Variants in AQP9 observed in about 807,000 individuals in gnomAD.
AQP9 encodes the protein aquaporin 9, also known as aquaporin-9.
A neutral mutation model predicts 23.8 loss-of-function variants in AQP9; 19 were observed. The ratio of observed to expected loss-of-function variants is 0.80; its 90% confidence interval spans 0.56 to 1.17. The LOEUF is 1.17. Ranked by LOEUF, AQP9 falls within the 50% of genes most tolerant of loss-of-function variation. The pLI is 0.00. For synonymous variants in AQP9, 153 were observed against 131.5 expected (o/e 1.16, Z -1.12); for missense variants, 413 against 362.0 (o/e 1.14, Z -1.14).
chr15:58,146,579 C>T (rs910254063), intron 1 of AQP9: 1 of 152,082 alleles, frequency 6.6e-6, no homozygotes, highest in Non-Finnish European at 1.5e-5. Context: ...GTGAATCATT[C>T]TGCCTATTTT....
intron 2 of AQP9, among the ~76,000 whole-genome samples, chr15:58,170,513 T>C (rs1187217604): frequency 6.6e-6 from 1 of 151,934 alleles, no homozygotes; most frequent in Non-Finnish European, 1.5e-5. Context: ...CAAGCGATTC[T>C]CCTGCCTCAG....
intron 1 of AQP9, chr15:58,152,984 T>C (rs572357474): frequency 6.6e-6 from 1 of 152,186 alleles, no homozygotes; most frequent in Non-Finnish European, 1.5e-5. Flanking sequence ...CACGATAATA[T>C]TAATTCTAGT....
At chr15:58,153,200 T>C (rs1461375951) in intron 1 of AQP9, 1 of 152,152 alleles carries the variant, frequency 6.6e-6, no homozygotes, top group Non-Finnish European at 1.5e-5. Flanking sequence ...CGTCAACAAA[T>C]ATTTATTCTA....
chr15:58,178,988 G>C lies in AQP9; in HGVS notation c.496-140G>C, dbSNP rs978437846. 5 of 617,264 alleles carry C rather than the reference G, an allele frequency of 8.1e-6. No individual in the cohort carries two copies. In the African/African-American group the frequency reaches 9.2e-5, roughly 11 times the overall value. 38.2% of individuals were successfully genotyped at this position (617,264 alleles called of 1,614,324 possible). ...TGGCACAATTATTCACCCAGTACAT[G>C]CCAGTTATTACTAGGCATATTGTAA... On this transcript the variant is annotated intron_variant, in intron 4 of 5. Coordinates refer to ENST00000219919, the MANE Select transcript of AQP9 (RefSeq NM_020980.5).
chr15:58,147,739 G>C (rs1325674905), intron 1 of AQP9, among the ~76,000 whole-genome samples: 1 of 151,984 alleles, frequency 6.6e-6, no homozygotes, highest in African/African-American at 2.4e-5. Flanking sequence ...CAGGTGATTG[G>C]TTAAAAAAAT....
intron 2 of AQP9, among the ~76,000 whole-genome samples, chr15:58,167,319 C>T (rs1898531176): frequency 6.6e-6 from 1 of 152,152 alleles, no homozygotes; most frequent in South Asian, 2.1e-4. Flanking sequence ...ACATGGTTCT[C>T]AAAAGCAAAA....
chr15:58,163,388 G>A (rs1265551369), intron 1 of AQP9, among the ~76,000 whole-genome samples: 1 of 152,066 alleles, frequency 6.6e-6, no homozygotes, highest in Non-Finnish European at 1.5e-5. Context: ...AACACCCAAG[G>A]GGACAGAATA....
intron 2 of AQP9, 113 bp downstream of exon 2, chr15:58,166,912 A>T: frequency 1.5e-6 from 2 of 1,367,246 alleles, no homozygotes; most frequent in Non-Finnish European, 1.9e-6. Flanking sequence ...ATCCTGCAAG[A>T]GTGTGTATTG....
intron 1 of AQP9, chr15:58,153,459 C>T (rs1898188974): frequency 6.6e-6 from 1 of 152,066 alleles, no homozygotes. Context: ...TTATTAACAG[C>T]AATTTGTGCT....
rs1370990406 is a variant in AQP9, at chr15:58,184,728, T to C, written c.*593T>C. ...AGCTGGAAGGCACAAGGGGAGGACA[T>C]TGTGGCATTCAGAAACTGCAGGAGA... On this transcript the variant is annotated 3_prime_UTR_variant, in exon 6 of 6. Transcript: ENST00000219919. 2 of 152,024 alleles carry C rather than the reference T, an allele frequency of 1.3e-5. No individual in the cohort carries two copies. The highest frequency in any genetic ancestry group is 2.1e-4 in the South Asian group (1 of 4,802). The allele number at this position is 152,024 out of a possible 1,614,324, so 9.4% of individuals were successfully genotyped here.
chr15:58,166,738 T>C lies in AQP9; in HGVS notation c.177T>C (p.Thr59=), dbSNP rs745679353. The C allele has an allele frequency of 1.2e-6, 2 of 1,614,060 alleles. No homozygotes were observed. Among genetic ancestry groups the C allele is most frequent in the South Asian group, 1.1e-5 (1 of 91,064 alleles). The change falls in exon 2 of 6, where the codon ACT becomes ACC. Residue 59 remains threonine, a synonymous_variant. Coordinates refer to ENST00000219919, the MANE Select transcript of AQP9 (RefSeq NM_020980.5). The part of the protein sequence containing the change: ...LSRGRFGGVI[T]INVGFSMAVA... ...GAGGACGTTTTGGAGGGGTCATCACTATCAATGTTGGATTTTCAATGGCAG... is the reference window on the plus strand; with the variant it reads ...GAGGACGTTTTGGAGGGGTCATCACCATCAATGTTGGATTTTCAATGGCAG...
At position 58,179,342 on chromosome 15, in the gene AQP9, T is replaced by G. The variant is rs1187034240; in HGVS notation, c.710T>G (p.Phe237Cys). ...TTGGCAGGCTGGGGGTTTGAAGTCT[T>G]CAGGTAAGTAACAGTGGTGGGGAAG... ...TALAGWGFEV[F>C]RAGNNFWWIP... The change falls in exon 5 of 6, where the codon TTC becomes TGC. Residue 237 changes from phenylalanine (F) to cysteine (C), a missense_variant. By Grantham distance (205) the Phe-to-Cys change is radical (BLOSUM62 -2). Coordinates refer to ENST00000219919, the MANE Select transcript of AQP9 (RefSeq NM_020980.5). 1 of 1,611,206 alleles carries G rather than the reference T, an allele frequency of 6.2e-7. No individual in the cohort carries two copies. The highest frequency in any genetic ancestry group is 1.1e-5 in the South Asian group (1 of 90,634).
intron 1 of AQP9, among the ~76,000 whole-genome samples, chr15:58,156,891 C>T (rs1364005098): frequency 6.6e-6 from 1 of 152,156 alleles, no homozygotes; most frequent in Non-Finnish European, 1.5e-5. Context: ...ATCAGGTGCG[C>T]TTACCCTACA....
chr15:58,140,533 T>G (rs1263040632), intron 1 of AQP9, among the ~76,000 whole-genome samples: 1 of 152,206 alleles, frequency 6.6e-6, no homozygotes, highest in African/African-American at 2.4e-5. Flanking sequence ...TGTTGGAGCT[T>G]GTGGGGATGT....
At chr15:58,161,964 A>G (rs1414455050) in intron 1 of AQP9, among the ~76,000 whole-genome samples, 12 of 152,322 alleles carry the variant, frequency 7.9e-5, no homozygotes, top group African/African-American at 2.4e-4. Context: ...AATATACTAG[A>G]AGCTGTTACA....
chr15:58,173,008 G>A (rs1245671792), intron 2 of AQP9, 60 bp from the exon 3 acceptor site: 2 of 1,602,604 alleles, frequency 1.2e-6, no homozygotes, highest in Non-Finnish European at 8.5e-7. Flanking sequence ...GTCTCTAGAT[G>A]GTTTTCTGTA....
intron 1 of AQP9, among the ~76,000 whole-genome samples, chr15:58,165,534 T>C (rs1898480124): frequency 6.6e-6 from 1 of 152,214 alleles, no homozygotes; most frequent in Non-Finnish European, 1.5e-5. Flanking sequence ...TAAAAAGAAA[T>C]GCATGTAATG....
chr15:58,143,327 T>C (rs1595725709), intron 1 of AQP9, among the ~76,000 whole-genome samples: 1 of 152,150 alleles, frequency 6.6e-6, no homozygotes, highest in East Asian at 1.9e-4. Flanking sequence ...TCAAATATGA[T>C]GACGAGGACA....
intron 1 of AQP9, among the ~76,000 whole-genome samples, chr15:58,163,155 A>G (rs747001725): frequency 3.7e-4 from 56 of 152,184 alleles, no homozygotes; most frequent in South Asian, 4.1e-4. Context: ...AAGATTAATG[A>G]GGAACTTTGA....
Sources: allele counts gnomAD v4.1 joint callset (sites outside exome capture counted in the v4.1 genomes callset), GRCh38; gene constraint gnomAD v4.1.1; transcripts MANE v1.5; gene names NCBI Gene and HGNC (gene_info 2026-07-23, HGNC 2026-07-21).